Variants in FAT3 observed in about 807,000 individuals in gnomAD.
FAT3 encodes the protein protocadherin Fat 3.
Under a neutral mutation model 310.2 loss-of-function variants are expected in FAT3, and 95 were observed. The observed-to-expected ratio is 0.31, with a 90% CI of 0.26 to 0.36. The LOEUF (loss-of-function observed/expected upper bound fraction) is 0.36. Ranked by LOEUF, FAT3 falls within the 10% of genes least tolerant of loss-of-function variation. FAT3 has a pLI of 1.00. For missense variants in FAT3, 5,408 were observed against 5,715.6 expected, an observed-to-expected ratio of 0.95 and a Z score of 1.74; for synonymous variants, 2,314 against 2,192.9, an observed-to-expected ratio of 1.06 and a Z score of -1.54.
chr11:92,512,678 A>T (rs1953338576), intron 2 of FAT3, among the ~76,000 whole-genome samples: 1 of 150,208 alleles, frequency 6.7e-6, no homozygotes, highest in Non-Finnish European at 1.5e-5. Flanking sequence ...TAAACAACTT[A>T]GTGTTGGCTT....
intron 3 of FAT3, among the ~76,000 whole-genome samples, chr11:92,577,934 CAGAT>C (rs1407240633): frequency 1.3e-5 from 2 of 151,770 alleles, no homozygotes; most frequent in Non-Finnish European, 2.9e-5. Flanking sequence ...TAGAGAGAGA[CAGAT>C]GGAGAGAGAG....
intron 1 of FAT3, among the ~76,000 whole-genome samples, chr11:92,230,247 T>C (rs1392560421): frequency 6.6e-6 from 1 of 152,220 alleles, no homozygotes; most frequent in South Asian, 2.1e-4. Flanking sequence ...TAATTTTTTG[T>C]CTTTAAAAAA....
At chr11:92,226,403 G>C (rs1382912874) in intron 1 of FAT3, among the ~76,000 whole-genome samples, 1 of 152,006 alleles carries the variant, frequency 6.6e-6, no homozygotes, top group Non-Finnish European at 1.5e-5. Context: ...CCTCTTGTGG[G>C]CGGGGGGTGG....
intron 21 of FAT3, among the ~76,000 whole-genome samples, chr11:92,860,878 G>C (rs1046481838): frequency 6.6e-6 from 1 of 152,202 alleles, no homozygotes; most frequent in Admixed American, 6.5e-5. Flanking sequence ...AAGTTTAAAA[G>C]TTGGTTACTT....
chr11:92,760,244 T>G (rs1946110121), intron 4 of FAT3, among the ~76,000 whole-genome samples: 1 of 152,240 alleles, frequency 6.6e-6, no homozygotes, highest in South Asian at 2.1e-4. Flanking sequence ...AAATTTATCT[T>G]AAGTCTATTA....
chr11:92,485,713 G>T (rs1431806298), intron 2 of FAT3, among the ~76,000 whole-genome samples: 1 of 152,066 alleles, frequency 6.6e-6, no homozygotes, highest in African/African-American at 2.4e-5. Context: ...AGTCCCATGG[G>T]AATTATATCA....
chr11:92,308,861 A>C (rs1947210076), intron 1 of FAT3, among the ~76,000 whole-genome samples: 1 of 152,144 alleles, frequency 6.6e-6, no homozygotes, highest in Admixed American at 6.5e-5. Context: ...GAAATAAAAA[A>C]AAAATAGCAG....
chr11:92,320,600 G>A (rs1947589000), intron 1 of FAT3, among the ~76,000 whole-genome samples: 1 of 152,142 alleles, frequency 6.6e-6, no homozygotes, highest in Non-Finnish European at 1.5e-5. Context: ...GGGTGCAGTG[G>A]CTCACGCCTG....
rs1471646226 is a variant in FAT3, at chr11:92,225,121, G to A, written c.-71G>A. Among the ~76,000 whole-genome samples the A allele has an allele frequency of 6.6e-6, 1 of 152,172 alleles. No homozygotes were observed. Among genetic ancestry groups the A allele is most frequent in the Non-Finnish European group, 1.5e-5 (1 of 68,022 alleles). On this transcript the variant is annotated 5_prime_UTR_variant, in exon 1 of 28. Transcript: ENST00000525166. Reference sequence around the variant, plus strand: ...GCAAGAGCGCCGAGCACCGGGTGAAGAAGACCACGGGGGAGGCGCCTCGTA... The same window carrying A: ...GCAAGAGCGCCGAGCACCGGGTGAAAAAGACCACGGGGGAGGCGCCTCGTA...
intron 2 of FAT3, among the ~76,000 whole-genome samples, chr11:92,514,811 A>G (rs1953422128): frequency 6.6e-6 from 1 of 152,192 alleles, no homozygotes; most frequent in Admixed American, 6.6e-5. Flanking sequence ...ATTGTTTGCA[A>G]AGTTGTTCTG....
chr11:92,864,496 G>A (rs7119135), intron 21 of FAT3, among the ~76,000 whole-genome samples: 9,839 of 152,164 alleles, frequency 0.065, 1,075 homozygotes, highest in African/African-American at 0.22. Context: ...TTGTGGAACC[G>A]AATAAAATGA....
intron 3 of FAT3, among the ~76,000 whole-genome samples, chr11:92,666,939 T>C (rs1008497447): frequency 6.6e-6 from 1 of 152,112 alleles, no homozygotes; most frequent in African/African-American, 2.4e-5. Context: ...CTGCAAGGCA[T>C]AATCATGTGA....
intron 3 of FAT3, among the ~76,000 whole-genome samples, chr11:92,685,850 G>T (rs577475388): frequency 6.6e-6 from 1 of 152,264 alleles, no homozygotes; most frequent in Admixed American, 6.5e-5. Context: ...GAAGTCCCCT[G>T]CTAAAGAGCA....
intron 14 of FAT3, among the ~76,000 whole-genome samples, chr11:92,833,649 G>A (rs1239436789): frequency 6.6e-6 from 1 of 152,100 alleles, no homozygotes; most frequent in Non-Finnish European, 1.5e-5. Context: ...GGTAAGTATT[G>A]GAAGGTGAAA....
intron 2 of FAT3, among the ~76,000 whole-genome samples, chr11:92,371,049 A>G (rs1457287677): frequency 1.3e-5 from 2 of 152,224 alleles, no homozygotes; most frequent in Non-Finnish European, 2.9e-5. Context: ...CCTGATATGT[A>G]ATCCTATAGC....
intron 1 of FAT3, among the ~76,000 whole-genome samples, chr11:92,332,751 T>A (rs1947952405): frequency 1.3e-5 from 2 of 152,184 alleles, no homozygotes; most frequent in Admixed American, 6.5e-5. Flanking sequence ...ATGATCACAA[T>A]ATCTGGCAAT....
chr11:92,508,410 G>C (rs1339264053), intron 2 of FAT3, among the ~76,000 whole-genome samples: 3 of 152,102 alleles, frequency 2.0e-5, no homozygotes, highest in Non-Finnish European at 4.4e-5. Context: ...TATGAGATTT[G>C]TATCAGGGTT....
chr11:92,569,725 A>G (rs755724839), intron 3 of FAT3, among the ~76,000 whole-genome samples: 1 of 152,180 alleles, frequency 6.6e-6, no homozygotes, highest in East Asian at 1.9e-4. Context: ...TGGGAACCCC[A>G]CTGCATTAAT....
At chr11:92,307,646 G>A (rs1336505835) in intron 1 of FAT3, among the ~76,000 whole-genome samples, 1 of 152,108 alleles carries the variant, frequency 6.6e-6, no homozygotes. Flanking sequence ...ACAGCCCAAG[G>A]TTCTTCAACC....
Sources: gnomAD v4.1 joint callset for allele counts (sites outside exome capture counted in the v4.1 genomes callset) on GRCh38, gnomAD v4.1.1 for gene constraint, MANE v1.5 for transcripts, NCBI Gene and HGNC (gene_info 2026-07-23, HGNC 2026-07-21) for gene names.